The following SLC24A2 variants were observed in gnomAD, a reference collection of about 807,000 sequenced individuals.
SLC24A2 encodes the protein sodium/potassium/calcium exchanger 2.
SLC24A2 carries 36 observed loss-of-function variants against 62.0 expected under a neutral mutation model. The observed-to-expected ratio is 0.58, with a 90% CI of 0.44 to 0.77. The LOEUF (loss-of-function observed/expected upper bound fraction) is 0.77. Ranked by LOEUF, SLC24A2 falls within the 30% of genes least tolerant of loss-of-function variation. SLC24A2 has a pLI of 0.00. For missense variants in SLC24A2, 846 were observed against 817.9 expected, an observed-to-expected ratio of 1.03 and a Z score of -0.42; for synonymous variants, 358 against 294.0, an observed-to-expected ratio of 1.22 and a Z score of -2.23.
chr9:20,141,083 C>T, the SLC24A2 span, among the ~76,000 whole-genome samples: 2 of 152,116 alleles, frequency 1.3e-5, no homozygotes, highest in African/African-American at 4.8e-5. Context: ...AACCAGGGTT[C>T]AAATGCCTGA....
upstream of SLC24A2, among the ~76,000 whole-genome samples, chr9:19,793,290 G>A (rs923563722): frequency 2.6e-5 from 4 of 152,234 alleles, no homozygotes; most frequent in Non-Finnish European, 4.4e-5. Context: ...CTAACCCCAA[G>A]CTGGTCACTA....
At chr9:19,656,656 C>T (rs776573867) in intron 2 of SLC24A2, among the ~76,000 whole-genome samples, 1 of 152,324 alleles carries the variant, frequency 6.6e-6, no homozygotes, top group East Asian at 1.9e-4. Flanking sequence ...CATGCTGCTT[C>T]TGTGTTCTTT....
At chr9:19,886,622 T>C in the SLC24A2 span, among the ~76,000 whole-genome samples, 1 of 151,788 alleles carries the variant, frequency 6.6e-6, no homozygotes, top group Non-Finnish European at 1.5e-5. Context: ...TGTAAATTAG[T>C]TCACTGTGGA....
chr9:19,947,408 G>A, the SLC24A2 span, among the ~76,000 whole-genome samples: 1 of 150,918 alleles, frequency 6.6e-6, no homozygotes, highest in Non-Finnish European at 1.5e-5. Flanking sequence ...GGGAAGGAAG[G>A]AAGGAGGAAG....
At chr9:19,992,247 C>G in the SLC24A2 span, among the ~76,000 whole-genome samples, 1 of 152,144 alleles carries the variant, frequency 6.6e-6, no homozygotes, top group African/African-American at 2.4e-5. Context: ...TCATATAGGT[C>G]TGAGGCTCAA....
chr9:19,564,066 G>C (rs1171248077), intron 7 of SLC24A2, among the ~76,000 whole-genome samples: 4 of 151,860 alleles, frequency 2.6e-5, no homozygotes, highest in African/African-American at 9.7e-5. Flanking sequence ...ATGTTGCCCA[G>C]GCTAGTCTCA....
chr9:19,943,397 G>C, the SLC24A2 span, among the ~76,000 whole-genome samples: 6 of 152,036 alleles, frequency 3.9e-5, no homozygotes, highest in Admixed American at 3.3e-4. Context: ...TTCATAACCT[G>C]CTCCCTGGAG....
At chr9:19,902,527 A>G in the SLC24A2 span, among the ~76,000 whole-genome samples, 3 of 152,166 alleles carry the variant, frequency 2.0e-5, no homozygotes, top group Admixed American at 6.5e-5. Flanking sequence ...CATGATCATC[A>G]TAAACATCAA....
At chr9:19,541,993 C>T (rs552210752) in intron 8 of SLC24A2, among the ~76,000 whole-genome samples, 31 of 152,312 alleles carry the variant, frequency 2.0e-4, no homozygotes, top group African/African-American at 7.2e-4. Flanking sequence ...TCACCCCTTT[C>T]TTTGACTCGG....
chr9:20,232,714 G>A, the SLC24A2 span, among the ~76,000 whole-genome samples: 1 of 152,078 alleles, frequency 6.6e-6, no homozygotes, highest in Non-Finnish European at 1.5e-5. Flanking sequence ...TTTTTGAAGG[G>A]TTTTTTGTGT....
At chr9:19,668,135 T>C (rs1819310518) in intron 2 of SLC24A2, among the ~76,000 whole-genome samples, 1 of 152,162 alleles carries the variant, frequency 6.6e-6, no homozygotes, top group Non-Finnish European at 1.5e-5. Context: ...CCCAACAACT[T>C]TTGAAGTAAA....
At chr9:20,157,791 T>C in the SLC24A2 span, among the ~76,000 whole-genome samples, 2 of 151,632 alleles carry the variant, frequency 1.3e-5, no homozygotes, top group South Asian at 2.1e-4. Flanking sequence ...TAAAATATAC[T>C]CACCCCTCTC....
the SLC24A2 span, among the ~76,000 whole-genome samples, chr9:20,033,432 A>C: frequency 6.6e-6 from 1 of 152,110 alleles, no homozygotes; most frequent in Non-Finnish European, 1.5e-5. Flanking sequence ...AAATGAAAAA[A>C]TGAATTGGAA....
chr9:20,276,895 G>A, the SLC24A2 span, among the ~76,000 whole-genome samples: 2 of 152,210 alleles, frequency 1.3e-5, no homozygotes, highest in Non-Finnish European at 2.9e-5. Context: ...CTGGGACACA[G>A]GGCACCAAAT....
the SLC24A2 span, among the ~76,000 whole-genome samples, chr9:20,168,989 T>C: frequency 6.6e-6 from 1 of 151,994 alleles, no homozygotes; most frequent in East Asian, 1.9e-4. Context: ...CCAAGTGTGG[T>C]ATATACACAC....
At chr9:19,777,295 A>G (rs1822873263) in intron 2 of SLC24A2, among the ~76,000 whole-genome samples, 1 of 152,214 alleles carries the variant, frequency 6.6e-6, no homozygotes, top group Admixed American at 6.5e-5. Flanking sequence ...CACATTTAAA[A>G]CAATTAATTA....
At chr9:20,035,455 C>A in the SLC24A2 span, among the ~76,000 whole-genome samples, 10 of 152,108 alleles carry the variant, frequency 6.6e-5, no homozygotes, top group Admixed American at 6.5e-4. Context: ...AATGAAGCTG[C>A]AGAAGATTTT....
chr9:20,019,174 A>C, the SLC24A2 span, among the ~76,000 whole-genome samples: 1 of 149,862 alleles, frequency 6.7e-6, no homozygotes, highest in African/African-American at 2.5e-5. Context: ...AGACAGAAAG[A>C]AAGAAAGAAG....
the SLC24A2 span, among the ~76,000 whole-genome samples, chr9:20,214,782 C>T: frequency 1.5e-4 from 23 of 152,168 alleles, no homozygotes. Context: ...CCATAAGCAT[C>T]CTCATATTCC....
Sources: gnomAD v4.1 joint callset for allele counts (sites outside exome capture counted in the v4.1 genomes callset) on GRCh38, gnomAD v4.1.1 for gene constraint, MANE v1.5 for transcripts, NCBI Gene and HGNC (gene_info 2026-07-23, HGNC 2026-07-21) for gene names.